Variants in KYAT3 observed in about 807,000 individuals in gnomAD.
The protein encoded by KYAT3 is kynurenine aminotransferase 3.
In KYAT3, 50 loss-of-function variants were observed where a neutral mutation model predicts 59.0. The ratio of observed to expected loss-of-function variants is 0.85; its 90% CI spans 0.68 to 1.07. KYAT3 has a LOEUF of 1.07. Ranked by LOEUF, KYAT3 falls within the 50% of genes least tolerant of loss-of-function variation. The pLI is 0.00. For synonymous variants in KYAT3, 148 were observed against 177.0 expected (o/e 0.84, Z 1.30); for missense variants, 497 against 533.3 (o/e 0.93, Z 0.67).
chr1:88,981,618 C>G (rs1013289946), intron 2 of KYAT3: 2 of 160,640 alleles, frequency 1.2e-5, no homozygotes, highest in African/African-American at 4.8e-5. Context: ...ACTGCTTATG[C>G]AACTGCACTG....
At chr1:88,971,850 T>C (rs934323828) in intron 2 of KYAT3, among the ~76,000 whole-genome samples, 11 of 152,208 alleles carry the variant, frequency 7.2e-5, no homozygotes, top group Non-Finnish European at 1.6e-4. Flanking sequence ...TTCTATTAAA[T>C]GCAGTACAGC....
At chr1:88,925,682 AAG>A in the KYAT3 span, among the ~76,000 whole-genome samples, 51 of 147,600 alleles carry the variant, frequency 3.5e-4, no homozygotes, top group Non-Finnish European at 4.5e-4. Context: ...AGAGAGATGG[AAG>A]AGAGAGAGAG....
chr1:88,988,280 G>T lies in KYAT3; in HGVS notation c.71C>A (p.Ser24Tyr). The change falls in exon 2 of 14, where the codon TCC becomes TAC. Residue 24 changes from serine (S) to tyrosine (Y), a missense_variant. Physicochemically the swap from Ser to Tyr is moderately radical, Grantham distance 144 (BLOSUM62 -2). This residue lies in a region of KYAT3 where 469 missense variants were observed against 479.1 expected (regional missense o/e 0.98). Transcript: ENST00000260508. ...AGAAGTAGAGAATCCGAGGATTTTG[G>T]AAGAAGAAATTGTCTTCAGGAATTT... ...RAKFLKTISS[S>Y]KILGFSTSAK... 1 of 1,613,566 alleles carries T rather than the reference G, an allele frequency of 6.2e-7. No homozygotes were observed.
intron 2 of KYAT3, chr1:88,983,321 C>T: frequency 6.2e-7 from 1 of 1,614,096 alleles, no homozygotes; most frequent in Non-Finnish European, 8.5e-7. Context: ...GCGAACTAGT[C>T]CTGAAGGTGC....
intron 2 of KYAT3, chr1:88,982,055 T>G (rs1370661677): frequency 1.0e-6 from 1 of 983,972 alleles, no homozygotes; most frequent in Non-Finnish European, 1.2e-6. Flanking sequence ...GGGAGGTTCT[T>G]GCAGATTCCC....
chr1:88,927,590 C>T, the KYAT3 span, among the ~76,000 whole-genome samples: 1 of 152,052 alleles, frequency 6.6e-6, no homozygotes, highest in Non-Finnish European at 1.5e-5. Flanking sequence ...CCCTTCAACC[C>T]AAATGGTCCA....
intron 3 of KYAT3, 134 bp from the exon 4 acceptor site, chr1:88,968,948 C>T: frequency 1.6e-6 from 1 of 634,346 alleles, no homozygotes; most frequent in South Asian, 2.8e-5. Context: ...AAATGAGTTT[C>T]CAACAAAAAT....
downstream of KYAT3, among the ~76,000 whole-genome samples, chr1:88,934,579 T>G (rs915348191): frequency 1.3e-4 from 20 of 152,174 alleles, no homozygotes; most frequent in Non-Finnish European, 5.9e-5. Context: ...TGCCCAACTG[T>G]GCAATGTACA....
intron 13 of KYAT3, 108 bp from the exon 14 acceptor site, chr1:88,936,353 CAAGTGAAGAAAAATTTTCA>C: frequency 1.2e-6 from 1 of 828,478 alleles, no homozygotes; most frequent in South Asian, 1.9e-5. Flanking sequence ...TATCTGATCT[CAAGTGAAGAAAAATTTTCA>C]AAGTGAAAAA....
At chr1:88,942,263 TC>T (rs951725056) in intron 13 of KYAT3, among the ~76,000 whole-genome samples, 12 of 152,000 alleles carry the variant, frequency 7.9e-5, no homozygotes, top group African/African-American at 2.9e-4. Context: ...TCCATTTGGT[TC>T]TTTTTTTTTT....
chr1:88,986,383 T>C (rs1478914618), intron 2 of KYAT3, among the ~76,000 whole-genome samples: 1 of 151,808 alleles, frequency 6.6e-6, no homozygotes, highest in Non-Finnish European at 1.5e-5. Context: ...CCCAGCACTT[T>C]GGGAGGCCGA....
chr1:88,946,335 T>G (rs1384409963), intron 11 of KYAT3, among the ~76,000 whole-genome samples: 3 of 152,100 alleles, frequency 2.0e-5, no homozygotes, highest in East Asian at 3.9e-4. Context: ...ATTTTTTTTT[T>G]TTTTAATTTA....
chr1:88,928,198 G>C, the KYAT3 span, among the ~76,000 whole-genome samples: 2 of 152,142 alleles, frequency 1.3e-5, no homozygotes, highest in Non-Finnish European at 2.9e-5. Flanking sequence ...ATACCTCCCT[G>C]TCACCTGACT....
At chr1:88,928,631 AC>A in the KYAT3 span, among the ~76,000 whole-genome samples, 1 of 152,192 alleles carries the variant, frequency 6.6e-6, no homozygotes, top group Admixed American at 6.5e-5. Flanking sequence ...GAAGCCACTA[AC>A]CAGATGATCC....
chr1:88,930,003 C>G, the KYAT3 span, among the ~76,000 whole-genome samples: 1 of 152,200 alleles, frequency 6.6e-6, no homozygotes. Flanking sequence ...CTAACCCAAG[C>G]CCCAGTGTTG....
chr1:88,941,589 G>A (rs187458491), intron 13 of KYAT3, among the ~76,000 whole-genome samples: 24 of 150,750 alleles, frequency 1.6e-4, no homozygotes, highest in Admixed American at 2.6e-4. Context: ...TCTGGTCTCC[G>A]CTGTTTCTGA....
intron 9 of KYAT3, 76 bp from the exon 10 acceptor site, chr1:88,953,228 G>C (rs912264684): frequency 1.1e-6 from 1 of 945,392 alleles, no homozygotes; most frequent in Non-Finnish European, 1.7e-6. Flanking sequence ...TTTAAACTTA[G>C]TGCAATTGTT....
At position 88,949,222 on chromosome 1, in the gene KYAT3, C is replaced by G. The variant is rs751862219; in HGVS notation, c.1010G>C (p.Cys337Ser). The G allele has an allele frequency of 6.2e-7, 1 of 1,606,816 alleles. No individual in the cohort carries two copies. ...IDIKRMDDPE[C>S]YFNSLPKELE... ...CTCTTTTGGCAAAGAATTAAAGTAA[C>G]ATTCTGGGTCATCCATGCGCTTGAT... Residue 337 changes from cysteine to serine, a missense_variant, in exon 11 of 14, where the codon TGT becomes TCT. This residue lies in a region of KYAT3 where 469 missense variants were observed against 479.1 expected (regional missense o/e 0.98). Coordinates refer to ENST00000260508, the MANE Select transcript of KYAT3 (RefSeq NM_001008661.3).
intron 1 of KYAT3, among the ~76,000 whole-genome samples, chr1:88,989,009 G>T (rs1002438298): frequency 2.6e-5 from 4 of 152,160 alleles, no homozygotes; most frequent in Non-Finnish European, 1.5e-5. Context: ...AATGGAGGAA[G>T]ATCAAGGCAA....
Sources: allele counts gnomAD v4.1 joint callset (sites outside exome capture counted in the v4.1 genomes callset), GRCh38; gene constraint gnomAD v4.1.1; regional missense constraint gnomAD v4.1.1; transcripts MANE v1.5; gene names NCBI Gene and HGNC (gene_info 2026-07-23, HGNC 2026-07-21).